Variants in ALK observed in about 807,000 individuals in gnomAD.
The protein encoded by ALK is ALK tyrosine kinase receptor.
Under a neutral mutation model 163.1 loss-of-function variants are expected in ALK, and 74 were observed. The ratio of observed to expected loss-of-function variants is 0.45; its 90% CI spans 0.38 to 0.55. The LOEUF is 0.55. Among genes scored for constraint, ALK ranks in the 20% least tolerant of loss-of-function variants. The pLI is 0.00. For synonymous variants in ALK, 960 were observed against 843.2 expected (o/e 1.14, Z -2.40); for missense variants, 2,063 against 2,105.3 (o/e 0.98, Z 0.39).
chr2:29,468,800 G>C (rs551272458), intron 4 of ALK, among the ~76,000 whole-genome samples: 1 of 127,800 alleles, frequency 7.8e-6, no homozygotes, highest in Non-Finnish European at 1.6e-5. Context: ...GCTGCAGTAA[G>C]CTATGATCAC....
intron 11 of ALK, among the ~76,000 whole-genome samples, chr2:29,254,051 A>G (rs2077329677): frequency 6.6e-6 from 1 of 152,148 alleles, no homozygotes; most frequent in African/African-American, 2.4e-5. Context: ...GTTAGTTCTC[A>G]CAAGATCCGA....
intron 28 of ALK, among the ~76,000 whole-genome samples, chr2:29,195,828 G>T (rs1669008910): frequency 6.6e-6 from 1 of 152,224 alleles, no homozygotes; most frequent in African/African-American, 2.4e-5. Context: ...GAGAGGGAAA[G>T]AAAGTGAATA....
At chr2:29,431,561 C>G (rs1437705216) in intron 4 of ALK, among the ~76,000 whole-genome samples, 1 of 152,140 alleles carries the variant, frequency 6.6e-6, no homozygotes. Context: ...CTATGCAAAC[C>G]GCCTGCTTGT....
At chr2:29,725,788 T>C (rs778201071) in intron 1 of ALK, among the ~76,000 whole-genome samples, 7 of 152,202 alleles carry the variant, frequency 4.6e-5, no homozygotes, top group Non-Finnish European at 8.8e-5. Flanking sequence ...ACCACATCTA[T>C]GCAGGTACTA....
At chr2:29,725,719 G>A (rs1679553132) in intron 1 of ALK, among the ~76,000 whole-genome samples, 2 of 152,054 alleles carry the variant, frequency 1.3e-5, no homozygotes, top group African/African-American at 2.4e-5. Context: ...TGTCATGTAG[G>A]ACATGCTTTG....
At chr2:29,880,120 A>T (rs912053208) in intron 1 of ALK, among the ~76,000 whole-genome samples, 5 of 152,184 alleles carry the variant, frequency 3.3e-5, no homozygotes, top group Admixed American at 1.3e-4. Flanking sequence ...CTGCAGACCC[A>T]TCCTTGGAGA....
chr2:29,525,584 G>C (rs1229799626), intron 4 of ALK, among the ~76,000 whole-genome samples: 4 of 152,054 alleles, frequency 2.6e-5, no homozygotes, highest in Admixed American at 6.5e-5. Flanking sequence ...AAGGTCAGGA[G>C]TTTGAGACCA....
intron 1 of ALK, among the ~76,000 whole-genome samples, chr2:29,846,751 T>A (rs1441745121): frequency 6.6e-6 from 1 of 152,230 alleles, no homozygotes; most frequent in Admixed American, 6.5e-5. Flanking sequence ...TATTATCATA[T>A]TAGCCACACT....
At position 29,592,965 on chromosome 2, in the gene ALK, A is replaced by G. The variant is rs542149853; in HGVS notation, c.953-60849T>C. ...ACGCTGGCCTCCAGAGCTGCGAGAT[A>G]ATACATTTCTGCTGTTTTAAGCCAC... is the stretch of plus-strand genomic sequence containing the variant. On this transcript the variant is annotated intron_variant, in intron 3 of 28. Coordinates refer to ENST00000389048, the MANE Select transcript of ALK (RefSeq NM_004304.5). 1.0e-3 allele frequency among the ~76,000 whole-genome samples: 156 copies of G among 152,342 alleles called. 1 individual carries two copies. The highest frequency in any genetic ancestry group is 3.2e-3 in the African/African-American group (132 of 41,576).
intron 23 of ALK, among the ~76,000 whole-genome samples, chr2:29,216,364 G>T (rs1011234646): frequency 1.3e-5 from 2 of 152,086 alleles, no homozygotes; most frequent in Non-Finnish European, 2.9e-5. Context: ...CCTTGAGGAA[G>T]ATTTTCTTCC....
chr2:29,464,438 T>C (rs1407657478), intron 4 of ALK, among the ~76,000 whole-genome samples: 2 of 152,198 alleles, frequency 1.3e-5, no homozygotes, highest in East Asian at 1.9e-4. Flanking sequence ...CATCATAATA[T>C]ACTGGCAAAT....
At chr2:29,900,812 C>T (rs1463164144) in intron 1 of ALK, among the ~76,000 whole-genome samples, 2 of 152,152 alleles carry the variant, frequency 1.3e-5, no homozygotes. Flanking sequence ...GAAAGGAGCA[C>T]ATCCCACTAT....
chr2:29,831,070 GGGAGGAGGAGGA>G (rs751792416), intron 1 of ALK, among the ~76,000 whole-genome samples: 404 of 23,514 alleles, frequency 0.017, 48 homozygotes, highest in African/African-American at 0.057. Context: ...GGGGAGGAAG[GGGAGGAGGAGGA>G]GGAGGAGGAG....
intron 3 of ALK, among the ~76,000 whole-genome samples, chr2:29,532,701 T>A (rs1424048833): frequency 6.6e-6 from 1 of 152,206 alleles, no homozygotes; most frequent in South Asian, 2.1e-4. Flanking sequence ...TTGATTCCAG[T>A]AGCACAGGCC....
At chr2:29,392,254 G>C (rs1669192249) in intron 4 of ALK, among the ~76,000 whole-genome samples, 1 of 152,170 alleles carries the variant, frequency 6.6e-6, no homozygotes, top group Admixed American at 6.5e-5. Flanking sequence ...TTTTATAAGA[G>C]AGAAATTTGA....
At chr2:29,328,724 G>A (rs566911563) in intron 5 of ALK, among the ~76,000 whole-genome samples, 12 of 152,156 alleles carry the variant, frequency 7.9e-5, no homozygotes, top group Middle Eastern at 3.2e-3. Context: ...TCACTTTCTA[G>A]GAAGGTGAGC....
intron 2 of ALK, among the ~76,000 whole-genome samples, chr2:29,707,357 C>T (rs560021968): frequency 3.3e-5 from 5 of 152,228 alleles, no homozygotes; most frequent in African/African-American, 9.6e-5. Context: ...CGAGCACAGA[C>T]CTTCTACCCT....
chr2:29,400,242 A>G (rs1412626614), intron 4 of ALK, among the ~76,000 whole-genome samples: 2 of 152,224 alleles, frequency 1.3e-5, no homozygotes, highest in East Asian at 3.8e-4. Flanking sequence ...GATATTAAGT[A>G]TTAGTAAAAT....
intron 3 of ALK, among the ~76,000 whole-genome samples, chr2:29,565,767 G>C (rs1456388633): frequency 6.6e-6 from 1 of 152,078 alleles, no homozygotes; most frequent in Non-Finnish European, 1.5e-5. Flanking sequence ...CTGCAAAACT[G>C]ACAGATTGTT....
Sources: allele counts gnomAD v4.1 joint callset (sites outside exome capture counted in the v4.1 genomes callset), GRCh38; gene constraint gnomAD v4.1.1; transcripts MANE v1.5; gene names NCBI Gene and HGNC (gene_info 2026-07-23, HGNC 2026-07-21).